Variants in CDCA7L observed in about 807,000 individuals in gnomAD.
CDCA7L encodes the protein cell division cycle associated 7 like.
A neutral mutation model predicts 57.4 loss-of-function variants in CDCA7L; 44 were observed. The ratio of observed to expected loss-of-function variants is 0.77; its 90% CI spans 0.60 to 0.98. CDCA7L has a LOEUF of 0.98. Ranked by LOEUF, CDCA7L falls within the 50% of genes least tolerant of loss-of-function variation. CDCA7L has a pLI of 0.00. For missense variants in CDCA7L, 644 were observed against 580.6 expected, an observed-to-expected ratio of 1.11 and a Z score of -1.12; for synonymous variants, 236 against 202.8, an observed-to-expected ratio of 1.16 and a Z score of -1.39.
chr7:21,943,452 T>A (rs1002227221), intron 1 of CDCA7L, among the ~76,000 whole-genome samples: 2 of 152,244 alleles, frequency 1.3e-5, no homozygotes, highest in African/African-American at 4.8e-5. Flanking sequence ...TGAGCGACAT[T>A]TGATGTGCAG....
intron 1 of CDCA7L, among the ~76,000 whole-genome samples, chr7:21,934,709 T>C (rs1368957855): frequency 6.6e-6 from 1 of 151,856 alleles, no homozygotes; most frequent in African/African-American, 2.4e-5. Context: ...CACCAATAGG[T>C]TAAAAGTAAA....
intron 8 of CDCA7L, 113 bp downstream of exon 8, chr7:21,903,997 A>G: frequency 9.6e-7 from 1 of 1,037,650 alleles, no homozygotes; most frequent in Non-Finnish European, 1.3e-6. Context: ...AATGGAAGGG[A>G]AAAACCAGAG....
At position 21,917,769 on chromosome 7, in the gene CDCA7L, A is replaced by G. The variant is rs111727688; in HGVS notation, c.25-875T>C. ...CAACCTAATCCATATATTCCCACACATTGATTAAAGTAATTTGCAAACATT... is the reference window on the plus strand; with the variant it reads ...CAACCTAATCCATATATTCCCACACGTTGATTAAAGTAATTTGCAAACATT... On this transcript the variant is annotated intron_variant, in intron 1 of 9. Coordinates refer to ENST00000406877, the MANE Select transcript of CDCA7L (RefSeq NM_018719.5). 3.2e-3 allele frequency among the ~76,000 whole-genome samples: 494 copies of G among 152,318 alleles called. 4 individuals are homozygous for G. The highest frequency in any genetic ancestry group is 0.01 in the African/African-American group (436 of 41,570).
chr7:21,936,740 C>G (rs1786177510), intron 1 of CDCA7L, among the ~76,000 whole-genome samples: 1 of 152,132 alleles, frequency 6.6e-6, no homozygotes, highest in African/African-American at 2.4e-5. Flanking sequence ...AAAGCTTTTC[C>G]CCTAAGATCA....
In CDCA7L at chr7:21,908,474, C is replaced by G; in HGVS notation, c.337G>C (p.Ala113Pro). ...TCCTCTTCCTCGCTCACCAAAGATG[C>G]TTTGCCATCATCACTCAAATCTGAC... is the stretch of plus-strand genomic sequence containing the variant. ...VESDLSDDGK[A>P]SLVSEEEEDE... Residue 113 changes from alanine (A) to proline (P), a missense_variant, in exon 4 of 10, where the codon GCA becomes CCA. Transcript: ENST00000406877. The G allele has an allele frequency of 2.6e-6, 4 of 1,544,458 alleles. No individual in the cohort carries two copies. Among genetic ancestry groups the G allele is most frequent in the South Asian group, 1.3e-5 (1 of 78,216 alleles).
chr7:21,942,456 A>C (rs1245069661), intron 1 of CDCA7L, among the ~76,000 whole-genome samples: 2 of 152,214 alleles, frequency 1.3e-5, no homozygotes, highest in Non-Finnish European at 1.5e-5. Context: ...AGTAGCCTGT[A>C]ATCTATTCCA....
chr7:21,906,212 G>A (rs1785133007), intron 6 of CDCA7L, 77 bp downstream of exon 6: 1 of 1,414,428 alleles, frequency 7.1e-7, no homozygotes, highest in East Asian at 2.3e-5. Context: ...CAGCCCTGGG[G>A]TGACAGTGAC....
chr7:21,945,580 T>C (rs1583886846), intron 1 of CDCA7L, among the ~76,000 whole-genome samples: 1 of 151,868 alleles, frequency 6.6e-6, no homozygotes, highest in East Asian at 2.0e-4. Context: ...GACCGGCCTC[T>C]GTGGTCCGCG....
At chr7:21,926,526 A>C (rs939099371) in intron 1 of CDCA7L, among the ~76,000 whole-genome samples, 8 of 152,212 alleles carry the variant, frequency 5.3e-5, no homozygotes, top group Non-Finnish European at 1.2e-4. Context: ...AATGACAAAC[A>C]AGTACATAAA....
At chr7:21,940,417 T>A in intron 1 of CDCA7L, 1 of 380,630 alleles carries the variant, frequency 2.6e-6, no homozygotes, top group Non-Finnish European at 3.6e-6. Flanking sequence ...ATTAGGCATC[T>A]AATACATGCT....
At chr7:21,945,634 A>C in intron 1 of CDCA7L, 147 bp downstream of exon 1, 1 of 958,026 alleles carries the variant, frequency 1.0e-6, no homozygotes, top group East Asian at 2.9e-5. Flanking sequence ...GGGCGCGCCC[A>C]CTCCGGCACT....
intron 1 of CDCA7L, among the ~76,000 whole-genome samples, chr7:21,918,406 T>G (rs1386605913): frequency 6.6e-6 from 1 of 152,238 alleles, no homozygotes; most frequent in Non-Finnish European, 1.5e-5. Flanking sequence ...GTGCAGTCTG[T>G]ATTCACAGTT....
chr7:21,912,011 C>T (rs1785345788), intron 2 of CDCA7L, among the ~76,000 whole-genome samples: 2 of 151,562 alleles, frequency 1.3e-5, no homozygotes, highest in East Asian at 3.9e-4. Context: ...CCTGTAATCC[C>T]AGCACTTTGG....
chr7:21,929,352 T>G (rs908272067), intron 1 of CDCA7L, among the ~76,000 whole-genome samples: 1 of 152,016 alleles, frequency 6.6e-6, no homozygotes, highest in African/African-American at 2.4e-5. Flanking sequence ...TGCAAAAACA[T>G]ACCAAATTAT....
rs138641410 is a variant in CDCA7L, at chr7:21,942,842, C to G, written c.24+2939G>C. Among the ~76,000 whole-genome samples, 477 of 152,316 alleles carry G rather than the reference C, an allele frequency of 3.1e-3. 1 individual carries two copies. The highest frequency in any genetic ancestry group is 0.011 in the African/African-American group (446 of 41,578). ...AAATCATTGTCCTTTCTGTGACCAG[C>G]TTCTGGGGCTCTGGAATTACATGTT... On this transcript the variant is annotated intron_variant, in intron 1 of 9. Transcript: ENST00000406877.
At chr7:21,909,942 A>G (rs1785263158) in intron 3 of CDCA7L, among the ~76,000 whole-genome samples, 1 of 152,186 alleles carries the variant, frequency 6.6e-6, no homozygotes, top group East Asian at 1.9e-4. Context: ...CAAGAAAGAT[A>G]GGTTCGCCAG....
At chr7:21,904,285 T>G (rs1225890390) in intron 7 of CDCA7L, 26 bp from the exon 8 acceptor site, 1 of 1,574,124 alleles carries the variant, frequency 6.4e-7, no homozygotes, top group Non-Finnish European at 8.6e-7. Context: ...AGTGAGCAGG[T>G]GAACACAGGG....
rs72658842 is a variant in CDCA7L, at chr7:21,901,447, C to G, written c.*875G>C. ...ACTCAGGGCTGAGCGTGGTGGCACA[C>G]GACTGTAATCCCAGTTACTCAGGAG... On this transcript the variant is annotated 3_prime_UTR_variant, in exon 10 of 10. Coordinates refer to ENST00000406877, the MANE Select transcript of CDCA7L (RefSeq NM_018719.5). 4.6e-6 allele frequency: 3 copies of G among 658,578 alleles called. No homozygotes were observed. Among genetic ancestry groups the G allele is most frequent in the East Asian group, 4.0e-5 (1 of 25,206 alleles). 40.8% of individuals were successfully genotyped at this position (658,578 alleles called of 1,614,324 possible).
intron 4 of CDCA7L, 85 bp from the exon 5 acceptor site, chr7:21,906,724 T>G (rs1287854895): frequency 4.5e-6 from 6 of 1,330,490 alleles, no homozygotes; most frequent in African/African-American, 2.9e-5. Context: ...GTCTTCCATT[T>G]TGCCACCATA....
Sources: allele counts gnomAD v4.1 joint callset (sites outside exome capture counted in the v4.1 genomes callset), GRCh38; gene constraint gnomAD v4.1.1; transcripts MANE v1.5; gene names NCBI Gene and HGNC (gene_info 2026-07-23, HGNC 2026-07-21).